Variants in ACOT12 observed in about 807,000 individuals in gnomAD.
ACOT12 encodes acyl-CoA thioesterase 12, also known as acetyl-coenzyme A thioesterase.
A neutral mutation model predicts 67.7 loss-of-function variants in ACOT12; 51 were observed. That is an observed-to-expected ratio of 0.75 (90% CI 0.60 to 0.95). The LOEUF (loss-of-function observed/expected upper bound fraction) is 0.95, where lower values mean the gene tolerates loss of function less well. ACOT12 is among the 40% of genes least tolerant of loss of function. The probability of loss-of-function intolerance (pLI) is 0.00; values close to 1 mark genes in which losing one functional copy is unlikely to be tolerated. For synonymous variants in ACOT12, 251 were observed against 244.6 expected (o/e 1.03, Z -0.24); for missense variants, 734 against 708.1 (o/e 1.04, Z -0.41).
chr5:81,332,557 G>A lies in ACOT12; in HGVS notation c.1311C>T (p.His437=). Reference sequence around the variant, plus strand: ...CATCATTCAGTATAGGACAGGTGATGTGATACAGCTGATCATCTTCACTCA... The same window carrying A: ...CATCATTCAGTATAGGACAGGTGATATGATACAGCTGATCATCTTCACTCA... The part of the protein sequence containing the change: ...DWVSEDDQLY[H]ITCPILNDDK... Residue 437 remains histidine (H), a synonymous_variant, in exon 13 of 15, where the codon CAC becomes CAT. Transcript: ENST00000307624. The A allele has an allele frequency of 1.9e-6, 3 of 1,614,094 alleles. No individual in the cohort carries two copies. The highest frequency in any genetic ancestry group is 2.5e-6 in the Non-Finnish European group (3 of 1,179,988).
At chr5:81,345,103 ACACCGCTGCCACCTCCTCGCC>A (rs879622388) in intron 7 of ACOT12, 62 bp from the exon 8 acceptor site, 12,503 of 678,574 alleles carry the variant, frequency 0.018, 57 homozygotes, top group African/African-American at 0.052. Flanking sequence ...CCCTCCTTGC[ACACCGCTGCCACCTCCTCGCC>A]CACCGCTGCC....
intron 2 of ACOT12, among the ~76,000 whole-genome samples, chr5:81,377,177 G>T (rs951923651): frequency 3.9e-5 from 6 of 152,142 alleles, no homozygotes. Context: ...ATGCAAGGCT[G>T]GTTCAACATA....
At chr5:81,327,264 C>T (rs951722795), downstream of ACOT12, among the ~76,000 whole-genome samples, 1 of 150,340 alleles carries the variant, frequency 6.7e-6, no homozygotes, top group African/African-American at 2.5e-5. Flanking sequence ...TAGTTTCTTT[C>T]CATTATTTAT....
At position 81,394,062 on chromosome 5, in the gene ACOT12, G is replaced by T; in HGVS notation, c.53C>A (p.Ala18Glu). Residue 18 changes from alanine (A) to glutamate (E), a missense_variant, in exon 1 of 15, where the codon GCG becomes GAG. By Grantham distance (107) the Ala-to-Glu change is moderately radical. Coordinates refer to ENST00000307624, the MANE Select transcript of ACOT12 (RefSeq NM_130767.3). ...EVVMSQAIQP[A>E]HATARGELSA... is the part of the protein sequence containing the mutation. The stretch of plus-strand genomic sequence containing the variant: ...CAGCTCGCCGCGCGCAGTGGCGTGC[G>T]CCGGCTGGATGGCTTGGCTCATGAC... 3 of 1,473,496 alleles carry T rather than the reference G, an allele frequency of 2.0e-6. No individual in the cohort carries two copies. The South Asian group carries it at 3.9e-5, about 19-fold the overall frequency. The allele number at this position is 1,473,496 out of a possible 1,614,324, so 91.3% of individuals were successfully genotyped here.
intron 1 of ACOT12, 53 bp downstream of exon 1, chr5:81,393,935 C>A (rs916604376): frequency 6.2e-6 from 8 of 1,285,886 alleles, no homozygotes; most frequent in Middle Eastern, 3.0e-4. Flanking sequence ...CCAGCCGCCG[C>A]CGCTCCCGCA....
chr5:81,344,168 GCGAATT>G lies in ACOT12; in HGVS notation c.966_971del (p.Ile323_Arg324del). ...CACCTTATGTTCCTTACCTGCCTAGGCGAATTCGCTTGCGTGCAATAGCTCCCCGAT... is the reference window on the plus strand; with the variant it reads ...CACCTTATGTTCCTTACCTGCCTAGGCGCTTGCGTGCAATAGCTCCCCGAT... On this transcript the variant is annotated inframe_deletion, in exon 9 of 15. Transcript: ENST00000307624. 1 of 1,613,674 alleles carries G rather than the reference GCGAATT, an allele frequency of 6.2e-7. No homozygotes were observed. The highest frequency in any genetic ancestry group is 8.5e-7 in the Non-Finnish European group (1 of 1,179,818).
At chr5:81,316,308 A>G in the ACOT12 span, among the ~76,000 whole-genome samples, 1 of 152,122 alleles carries the variant, frequency 6.6e-6, no homozygotes, top group Non-Finnish European at 1.5e-5. Context: ...GTTGCTCCCT[A>G]TCCCTTCCTT....
the ACOT12 span, among the ~76,000 whole-genome samples, chr5:81,323,821 G>A: frequency 6.7e-6 from 1 of 148,968 alleles, no homozygotes; most frequent in African/African-American, 2.5e-5. Flanking sequence ...ATATGTATAT[G>A]TATAAAATAT....
chr5:81,309,372 A>G, the ACOT12 span, among the ~76,000 whole-genome samples: 1 of 152,230 alleles, frequency 6.6e-6, no homozygotes, highest in Non-Finnish European at 1.5e-5. Flanking sequence ...AAATCGTATT[A>G]TATATTCAGC....
chr5:81,390,757 C>A (rs1760841707), intron 1 of ACOT12, among the ~76,000 whole-genome samples: 1 of 152,104 alleles, frequency 6.6e-6, no homozygotes, highest in African/African-American at 2.4e-5. Flanking sequence ...CTGCCTCAGC[C>A]TCCCAAAGTG....
chr5:81,375,999 C>A (rs965880728), intron 2 of ACOT12, among the ~76,000 whole-genome samples: 2 of 152,036 alleles, frequency 1.3e-5, no homozygotes, highest in Admixed American at 6.6e-5. Context: ...TTAATAGACA[C>A]CTACAAAACT....
At position 81,371,818 on chromosome 5, in the gene ACOT12, A is replaced by G; in HGVS notation, c.198-8T>C. On this transcript the variant is annotated splice_polypyrimidine_tract_variant and splice_region_variant and intron_variant, in intron 2 of 14. Transcript: ENST00000307624. ...GTTATAACTTGTCCAACTCTAGGGA[A>G]AAACAAACAAAAAAACCTCAGTAGT... 1 of 1,613,200 alleles carries G rather than the reference A, an allele frequency of 6.2e-7. No individual in the cohort carries two copies. The highest frequency in any genetic ancestry group is 2.2e-5 in the East Asian group (1 of 44,874).
chr5:81,359,170 G>A (rs1007345884), intron 5 of ACOT12, among the ~76,000 whole-genome samples: 20 of 152,090 alleles, frequency 1.3e-4, no homozygotes, highest in South Asian at 4.1e-4. Context: ...TGCCCTCTTG[G>A]CAGTGGTGAG....
At chr5:81,326,190 A>C (rs1431004112), downstream of ACOT12, among the ~76,000 whole-genome samples, 1 of 128,606 alleles carries the variant, frequency 7.8e-6, no homozygotes, top group African/African-American at 3.0e-5. Flanking sequence ...CATTGGCATG[A>C]TCTCGGCTCA....
intron 2 of ACOT12, among the ~76,000 whole-genome samples, chr5:81,385,027 GT>G (rs1207520330): frequency 2.6e-5 from 4 of 152,102 alleles, no homozygotes; most frequent in Non-Finnish European, 5.9e-5. Flanking sequence ...CACATAAAAT[GT>G]TTTTCATAAT....
the ACOT12 span, among the ~76,000 whole-genome samples, chr5:81,324,161 G>A: frequency 6.6e-6 from 1 of 151,922 alleles, no homozygotes; most frequent in African/African-American, 2.4e-5. Context: ...GGATGGTCTC[G>A]AACTCTTGAC....
At chr5:81,353,677 C>T (rs79846253) in intron 5 of ACOT12, among the ~76,000 whole-genome samples, 2,060 of 152,262 alleles carry the variant, frequency 0.014, 45 homozygotes, top group African/African-American at 0.046. Context: ...CTGAGATGTG[C>T]GTGCTTATAC....
chr5:81,384,142 A>G (rs1203824423), intron 2 of ACOT12, among the ~76,000 whole-genome samples: 1 of 125,408 alleles, frequency 8.0e-6, no homozygotes, highest in Non-Finnish European at 1.6e-5. Context: ...TTTTTTGTAG[A>G]TAGAGTCTTG....
intron 6 of ACOT12, among the ~76,000 whole-genome samples, chr5:81,346,245 T>G (rs970182554): frequency 6.6e-6 from 1 of 152,206 alleles, no homozygotes; most frequent in Non-Finnish European, 1.5e-5. Flanking sequence ...ACAGTCCTAC[T>G]CTTGTCTCGT....
Sources: allele counts gnomAD v4.1 joint callset (sites outside exome capture counted in the v4.1 genomes callset), GRCh38; gene constraint gnomAD v4.1.1; transcripts MANE v1.5; gene names NCBI Gene and HGNC (gene_info 2026-07-23, HGNC 2026-07-21).